TBXAS1: variants seen among roughly 807,000 people sequenced by gnomAD.
TBXAS1 encodes the protein thromboxane-A synthase.
A neutral mutation model predicts 60.7 loss-of-function variants in TBXAS1; 48 were observed. The ratio of observed to expected loss-of-function variants is 0.79; its 90% confidence interval spans 0.63 to 1.01. The LOEUF (loss-of-function observed/expected upper bound fraction) is 1.01, where lower values mean the gene tolerates loss of function less well. Among genes scored for constraint, TBXAS1 ranks in the 50% least tolerant of loss-of-function variants. The pLI is 0.00. For synonymous variants in TBXAS1, 287 were observed against 269.7 expected, an observed-to-expected ratio of 1.06 and a Z score of -0.63; for missense variants, 685 against 686.3, an observed-to-expected ratio of 1.00 and a Z score of 0.02.
chr7:139,786,860 C>G (rs1797217391), intron 3 of TBXAS1, among the ~76,000 whole-genome samples: 1 of 152,206 alleles, frequency 6.6e-6, no homozygotes, highest in African/African-American at 2.4e-5. Context: ...TTTCCTTTCC[C>G]TCTTTTCAGC....
At chr7:139,912,807 G>T (rs868394651) in intron 4 of TBXAS1, among the ~76,000 whole-genome samples, 1 of 152,136 alleles carries the variant, frequency 6.6e-6, no homozygotes, top group South Asian at 2.1e-4. Context: ...CCTTGTCATC[G>T]CAAGAGCTTA....
chr7:139,989,889 T>G (rs1812765184), intron 9 of TBXAS1, among the ~76,000 whole-genome samples: 1 of 152,168 alleles, frequency 6.6e-6, no homozygotes, highest in African/African-American at 2.4e-5. Context: ...AAGAGACAAT[T>G]ATTTGTGTCC....
At chr7:139,818,453 C>G (rs1430828768) in intron 4 of TBXAS1, among the ~76,000 whole-genome samples, 1 of 152,096 alleles carries the variant, frequency 6.6e-6, no homozygotes, top group Non-Finnish European at 1.5e-5. Context: ...TCAAGTGATC[C>G]ACCTGCTTTG....
intron 4 of TBXAS1, among the ~76,000 whole-genome samples, chr7:139,813,824 CA>C (rs1254339487): frequency 6.6e-6 from 1 of 152,194 alleles, no homozygotes; most frequent in Admixed American, 6.5e-5. Context: ...AATCAGTTAG[CA>C]CATTTGAGAC....
In TBXAS1 at chr7:140,009,242, G is replaced by GGTGAA. The variant is rs780838547; in HGVS notation, c.1226+2063_1226+2067dup. Among the ~76,000 whole-genome samples, 19 of 152,308 alleles carry GGTGAA rather than the reference G, an allele frequency of 1.2e-4. 2 individuals are homozygous for GGTGAA. The highest frequency in any genetic ancestry group is 1.0e-3 in the Admixed American group (16 of 15,300). ...GACCAGACAGAAACTAGAGAACCTG[G>GGTGAA]GTGAAGTAGTTAGAATTCATCTAAC... is the stretch of plus-strand genomic sequence containing the variant. On this transcript the variant is annotated intron_variant, in intron 10 of 12. Coordinates refer to ENST00000448866, the MANE Select transcript of TBXAS1 (RefSeq NM_001061.7).
Position 139,916,493 on chromosome 7 carries a change from A to G in TBXAS1, c.333+5172A>G, listed in dbSNP as rs1349948484. 2.0e-5 allele frequency among the ~76,000 whole-genome samples: 3 copies of G among 152,134 alleles called. No individual in the cohort carries two copies. Among genetic ancestry groups the G allele is most frequent in the Admixed American group, 6.5e-5 (1 of 15,278 alleles). On this transcript the variant is annotated intron_variant, in intron 4 of 12. Coordinates refer to ENST00000448866, the MANE Select transcript of TBXAS1 (RefSeq NM_001061.7). The surrounding 1 kb of genome is among the most constrained non-coding windows in gnomAD (Gnocchi z 4.2). ...ACTGACACACAAGAGTCACGTCCAA[A>G]GCCATGTGATGGACGTGGTGGGTGG...
intron 9 of TBXAS1, among the ~76,000 whole-genome samples, chr7:139,980,097 C>T (rs1401234918): frequency 6.6e-6 from 1 of 152,118 alleles, no homozygotes; most frequent in East Asian, 1.9e-4. Flanking sequence ...AGCTTAAAGA[C>T]CACTTAATAA....
chr7:139,986,905 T>C (rs1281541615), intron 9 of TBXAS1, among the ~76,000 whole-genome samples: 1 of 151,812 alleles, frequency 6.6e-6, no homozygotes, highest in Non-Finnish European at 1.5e-5. Flanking sequence ...AGTTTGCTTT[T>C]AACCACTATG....
chr7:139,961,942 G>T lies in TBXAS1; in HGVS notation c.843G>T (p.Met281Ile), dbSNP rs1297087280. The change falls in exon 9 of 13, where the codon ATG becomes ATT. Residue 281 changes from methionine (M) to isoleucine (I), a missense_variant. Physicochemically the swap from Met to Ile is conservative, Grantham distance 10. Transcript: ENST00000448866. ...AGAGGCGGAGAGACTTCCTCCAAAT[G>T]GTCCTGGATGCCCGACATTCTGCAA... ...AEERRRDFLQ[M>I]VLDARHSASP... 2 of 1,614,188 alleles carry T rather than the reference G, an allele frequency of 1.2e-6. No homozygotes were observed. Among genetic ancestry groups the T allele is most frequent in the South Asian group, 2.2e-5 (2 of 91,082 alleles).
At chr7:139,973,453 AT>A (rs1447841515) in intron 9 of TBXAS1, among the ~76,000 whole-genome samples, 1 of 152,096 alleles carries the variant, frequency 6.6e-6, no homozygotes, top group Non-Finnish European at 1.5e-5. Context: ...CCTTTCCAAA[AT>A]GTGTGCTTAT....
chr7:139,989,500 G>C (rs565454203), intron 9 of TBXAS1, among the ~76,000 whole-genome samples: 1 of 152,294 alleles, frequency 6.6e-6, no homozygotes, highest in Non-Finnish European at 1.5e-5. Flanking sequence ...TCCTTCCCAA[G>C]GGGCTGCCCC....
rs369844521 is a variant in TBXAS1 at position 139,813,741 on chromosome 7, A to G, written c.-79-15571A>G. 1.6e-4 allele frequency among the ~76,000 whole-genome samples: 24 copies of G among 152,342 alleles called. No individual in the cohort carries two copies. In the East Asian group the frequency reaches 4.4e-3, roughly 28 times the overall value. Reference sequence around the variant, plus strand: ...GATCTTCTTTGTAACTATGTTAAGCATTAAGAAATACTAGGTTCAGGGATG... The same window carrying G: ...GATCTTCTTTGTAACTATGTTAAGCGTTAAGAAATACTAGGTTCAGGGATG... On this transcript the variant is annotated intron_variant, in intron 4 of 16. Transcript: ENST00000336425.
At chr7:139,909,298 C>A (rs1805336487) in intron 3 of TBXAS1, among the ~76,000 whole-genome samples, 1 of 152,098 alleles carries the variant, frequency 6.6e-6, no homozygotes. Flanking sequence ...AAACATTGCT[C>A]TGGAGGGGGG....
At chr7:139,786,592 C>T (rs1341868911) in intron 3 of TBXAS1, among the ~76,000 whole-genome samples, 1 of 152,022 alleles carries the variant, frequency 6.6e-6, no homozygotes, top group African/African-American at 2.4e-5. Context: ...GCTTTTCACT[C>T]TATGTGGAAG....
At chr7:139,781,791 A>G (rs1332415273) in intron 2 of TBXAS1, among the ~76,000 whole-genome samples, 1 of 130,882 alleles carries the variant, frequency 7.6e-6, no homozygotes, top group East Asian at 2.7e-4. Flanking sequence ...GCCGAGTTCT[A>G]GTGCCATTGC....
intron 1 of TBXAS1, among the ~76,000 whole-genome samples, chr7:139,860,232 G>A (rs1800866933): frequency 1.3e-5 from 2 of 152,130 alleles, no homozygotes; most frequent in African/African-American, 4.8e-5. Flanking sequence ...GCAGAGGCTG[G>A]GTACTGGGTG....
chr7:139,965,150 G>A (rs1374068143), intron 9 of TBXAS1, among the ~76,000 whole-genome samples: 5 of 152,148 alleles, frequency 3.3e-5, no homozygotes, highest in African/African-American at 9.7e-5. Context: ...GCAGGGAGGC[G>A]GAGGTTGCAG....
intron 1 of TBXAS1, among the ~76,000 whole-genome samples, chr7:139,838,728 C>T (rs1469674130): frequency 4.6e-5 from 7 of 152,102 alleles, no homozygotes; most frequent in Non-Finnish European, 7.4e-5. Context: ...TTCCCGAAAC[C>T]GCGTTGGACA....
intron 9 of TBXAS1, among the ~76,000 whole-genome samples, chr7:139,994,517 CT>C (rs911593015): frequency 2.0e-5 from 3 of 150,974 alleles, no homozygotes; most frequent in Admixed American, 6.6e-5. Flanking sequence ...GCAAAGGAGG[CT>C]TTTTTTTTAA....
Sources: allele counts gnomAD v4.1 joint callset (sites outside exome capture counted in the v4.1 genomes callset), GRCh38; gene constraint gnomAD v4.1.1; non-coding constraint Gnocchi (gnomAD v3.1); transcripts MANE v1.5; gene names NCBI Gene and HGNC (gene_info 2026-07-23, HGNC 2026-07-21).